The following PYGO1 variants were observed in gnomAD, a reference collection of about 807,000 sequenced individuals.
PYGO1 encodes the protein pygopus family PHD finger 1.
In PYGO1, 6 loss-of-function variants were observed where a neutral mutation model predicts 29.5. That is an observed-to-expected ratio of 0.20 (90% CI 0.11 to 0.40). The LOEUF is 0.40. PYGO1 is among the 10% of genes least tolerant of loss of function. The pLI, the probability that PYGO1 is intolerant of heterozygous loss-of-function variation, is 1.00. For missense variants in PYGO1, 515 were observed against 514.9 expected, an observed-to-expected ratio of 1.00 and a Z score of 0.00; for synonymous variants, 186 against 180.5, an observed-to-expected ratio of 1.03 and a Z score of -0.24.
At chr15:55,567,222 TTTTTG>T (rs2058960825) in intron 1 of PYGO1, among the ~76,000 whole-genome samples, 1 of 131,442 alleles carries the variant, frequency 7.6e-6, no homozygotes, top group Non-Finnish European at 1.6e-5. Context: ...TTTTTTTTTT[TTTTTG>T]AGACAGGGTC....
intron 1 of PYGO1, among the ~76,000 whole-genome samples, chr15:55,566,556 T>C (rs903591300): frequency 5.9e-5 from 9 of 152,170 alleles, no homozygotes; most frequent in African/African-American, 1.9e-4. Flanking sequence ...TGTGTCTTTT[T>C]AGTAGAACAA....
At chr15:55,561,948 T>C (rs1408493395) in intron 1 of PYGO1, among the ~76,000 whole-genome samples, 2 of 152,174 alleles carry the variant, frequency 1.3e-5, no homozygotes, top group Non-Finnish European at 2.9e-5. Context: ...GTTTGCCTTC[T>C]GACAAAGGTC....
chr15:55,546,149 A>G lies in PYGO1; in HGVS notation c.1134T>C (p.Ala378=). The G allele has an allele frequency of 6.2e-7, 1 of 1,614,212 alleles. No homozygotes were observed. The highest frequency in any genetic ancestry group is 8.5e-7 in the Non-Finnish European group (1 of 1,180,038). ...HRICTGMTET[A]YGLLTAEASA... Reference sequence around the variant, plus strand: ...ATGCTTCTGCAGTTAAGAGGCCATAAGCTGTTTCAGTCATTCCAGTACAGA... The same window carrying G: ...ATGCTTCTGCAGTTAAGAGGCCATAGGCTGTTTCAGTCATTCCAGTACAGA... The change falls in exon 3 of 3, where the codon GCT becomes GCC. Residue 378 remains alanine, a synonymous_variant. Coordinates refer to ENST00000563719, the MANE Select transcript of PYGO1 (RefSeq NM_001367806.1).
chr15:55,553,654 A>G (rs1424713062), intron 1 of PYGO1, among the ~76,000 whole-genome samples: 1 of 151,982 alleles, frequency 6.6e-6, no homozygotes, highest in African/African-American at 2.4e-5. Flanking sequence ...CAAGTGATCT[A>G]CCCACCTCAG....
In PYGO1 at chr15:55,587,904, T is replaced by TC. The variant is rs756345170; in HGVS notation, c.-22dup. On this transcript the variant is annotated 5_prime_UTR_variant, in exon 1 of 3. Transcript: ENST00000563719. ...GACATTACAGACCGCAAAGCATGAC[T>TC]CCCCCCCAGGCCGCGGGAATTCGGT... The TC allele has an allele frequency of 4.1e-5, 60 of 1,459,000 alleles. No homozygotes were observed. The highest frequency in any genetic ancestry group is 1.8e-4 in the Middle Eastern group (1 of 5,706). 90.4% of individuals were successfully genotyped at this position (1,459,000 alleles called of 1,614,324 possible). A position where few individuals can be genotyped will look rare whatever the true frequency, so the allele number is the denominator to read the frequency against.
At chr15:55,586,312 C>G (rs983830304) in intron 1 of PYGO1, among the ~76,000 whole-genome samples, 1 of 152,158 alleles carries the variant, frequency 6.6e-6, no homozygotes, top group Non-Finnish European at 1.5e-5. Context: ...CGCACAGCAG[C>G]TTAAGATGCC....
chr15:55,575,925 C>G (rs1367925283), intron 1 of PYGO1, among the ~76,000 whole-genome samples: 1 of 152,196 alleles, frequency 6.6e-6, no homozygotes, highest in Non-Finnish European at 1.5e-5. Context: ...AGCCACAATC[C>G]TTTGTTCCAC....
chr15:55,574,162 T>C (rs191602394), intron 1 of PYGO1, among the ~76,000 whole-genome samples: 153 of 152,330 alleles, frequency 1.0e-3, no homozygotes, highest in African/African-American at 3.5e-3. Context: ...AACCAAAAGA[T>C]ACTATTTTTT....
chr15:55,575,743 A>G (rs1450013013), intron 1 of PYGO1, among the ~76,000 whole-genome samples: 1 of 152,104 alleles, frequency 6.6e-6, no homozygotes, highest in African/African-American at 2.4e-5. Context: ...GCAGAAACAG[A>G]CTTCTGCACT....
At chr15:55,570,552 T>G (rs1487557058) in intron 1 of PYGO1, among the ~76,000 whole-genome samples, 1 of 151,882 alleles carries the variant, frequency 6.6e-6, no homozygotes, top group Non-Finnish European at 1.5e-5. Flanking sequence ...ATATTTAAAC[T>G]GTAAATACTT....
intron 1 of PYGO1, among the ~76,000 whole-genome samples, chr15:55,582,644 A>T (rs151122146): frequency 1.6e-4 from 24 of 152,270 alleles, no homozygotes; most frequent in Non-Finnish European, 2.9e-4. Flanking sequence ...TGACTTCCAG[A>T]GCTCTACTTC....
chr15:55,553,415 A>G lies in PYGO1; in HGVS notation c.50-4420T>C, dbSNP rs1595983137. Reference sequence around the variant, plus strand: ...GACTGCTTCCTTTTTTTTTTTTTTTAAGAAGGAGTTTCGCTCTGTTGCCAG... The same window carrying G: ...GACTGCTTCCTTTTTTTTTTTTTTTGAGAAGGAGTTTCGCTCTGTTGCCAG... On this transcript the variant is annotated intron_variant, in intron 1 of 2. Coordinates refer to ENST00000563719, the MANE Select transcript of PYGO1 (RefSeq NM_001367806.1). Among the ~76,000 whole-genome samples the G allele has an allele frequency of 2.0e-5, 3 of 149,008 alleles. No homozygotes were observed. In the East Asian group the frequency reaches 5.9e-4, roughly 29 times the overall value.
chr15:55,576,457 A>G (rs1464505092), intron 1 of PYGO1, among the ~76,000 whole-genome samples: 2 of 8,648 alleles, frequency 2.3e-4, no homozygotes, highest in Non-Finnish European at 4.4e-3. Flanking sequence ...CTCCGTCTCA[A>G]AAAAAAAAAA....
chr15:55,566,830 A>G (rs548218344), intron 1 of PYGO1, among the ~76,000 whole-genome samples: 1 of 152,248 alleles, frequency 6.6e-6, no homozygotes, highest in Admixed American at 6.5e-5. Context: ...TCCTGGGGTA[A>G]GGTGATCCTC....
intron 1 of PYGO1, among the ~76,000 whole-genome samples, chr15:55,578,863 T>C (rs1157750470): frequency 1.3e-5 from 2 of 152,220 alleles, no homozygotes; most frequent in African/African-American, 4.8e-5. Context: ...CCAATTTATC[T>C]ATTTCTTCTT....
chr15:55,582,774 T>C (rs2059030560), intron 1 of PYGO1, among the ~76,000 whole-genome samples: 1 of 152,162 alleles, frequency 6.6e-6, no homozygotes, highest in East Asian at 1.9e-4. Context: ...TCTGCCTAGC[T>C]CTTACATGGA....
intron 1 of PYGO1, among the ~76,000 whole-genome samples, chr15:55,572,225 T>C (rs1481806625): frequency 2.0e-5 from 3 of 152,004 alleles, no homozygotes; most frequent in African/African-American, 7.3e-5. Flanking sequence ...TGGAACACAA[T>C]CAAGAGCCCA....
chr15:55,549,942 T>C (rs1015469022), intron 1 of PYGO1, among the ~76,000 whole-genome samples: 1 of 152,160 alleles, frequency 6.6e-6, no homozygotes, highest in Non-Finnish European at 1.5e-5. Flanking sequence ...CATCCAGTAC[T>C]ACTTTGAAGA....
intron 1 of PYGO1, among the ~76,000 whole-genome samples, chr15:55,565,233 C>T (rs2058950073): frequency 6.6e-6 from 1 of 152,038 alleles, no homozygotes; most frequent in Non-Finnish European, 1.5e-5. Context: ...GGTACACTAG[C>T]AGGATGGGAC....
Sources: allele counts gnomAD v4.1 joint callset (sites outside exome capture counted in the v4.1 genomes callset), GRCh38; gene constraint gnomAD v4.1.1; transcripts MANE v1.5; gene names NCBI Gene and HGNC (gene_info 2026-07-23, HGNC 2026-07-21).